Variants in KCNG3 observed in about 807,000 individuals in gnomAD.
KCNG3 encodes the protein voltage-gated potassium channel regulatory subunit KCNG3.
KCNG3 carries 15 observed loss-of-function variants against 29.0 expected under a neutral mutation model. The ratio of observed to expected loss-of-function variants is 0.52; its 90% confidence interval spans 0.35 to 0.80. The LOEUF (loss-of-function observed/expected upper bound fraction) is 0.80, where lower values mean the gene tolerates loss of function less well. Ranked by LOEUF, KCNG3 falls within the 30% of genes least tolerant of loss-of-function variation. The pLI, the probability that KCNG3 is intolerant of heterozygous loss-of-function variation, is 0.01. For missense variants in KCNG3, 512 were observed against 605.7 expected (o/e 0.85, Z 1.62); for synonymous variants, 322 against 248.9 (o/e 1.29, Z -2.76).
the KCNG3 span, chr2:42,425,039 C>G: frequency 6.6e-6 from 1 of 152,186 alleles, no homozygotes; most frequent in African/African-American, 2.4e-5. Flanking sequence ...CAGGAAACCC[C>G]CTCCTGGCGC....
At chr2:42,401,693 C>T in the KCNG3 span, among the ~76,000 whole-genome samples, 1 of 152,130 alleles carries the variant, frequency 6.6e-6, no homozygotes, top group African/African-American at 2.4e-5. Flanking sequence ...ATCCTCCTGC[C>T]TCCCAAAGTG....
At chr2:42,491,555 T>C (rs1163829079) in intron 1 of KCNG3, among the ~76,000 whole-genome samples, 1 of 152,208 alleles carries the variant, frequency 6.6e-6, no homozygotes, top group Non-Finnish European at 1.5e-5. Context: ...CATTGTATTG[T>C]TGGAGAACCA....
At chr2:42,459,224 T>C (rs1295609147) in intron 1 of KCNG3, among the ~76,000 whole-genome samples, 17 of 145,716 alleles carry the variant, frequency 1.2e-4, no homozygotes, top group African/African-American at 4.1e-4. Flanking sequence ...ATAGAGAGAG[T>C]GAGAAGACAG....
rs1035954069 is a variant in KCNG3, at chr2:42,444,859, C to A, written c.666-280G>T. 2.7e-5 allele frequency among the ~76,000 whole-genome samples: 4 copies of A among 149,820 alleles called. No individual in the cohort carries two copies. The highest frequency in any genetic ancestry group is 9.9e-5 in the African/African-American group (4 of 40,582). ...GGTGAATCGCTTGAGCCCAGGAGTTCGAGACCAACCTGGGCACCACAGCAA... is the reference window on the plus strand; with the variant it reads ...GGTGAATCGCTTGAGCCCAGGAGTTAGAGACCAACCTGGGCACCACAGCAA... On this transcript the variant is annotated intron_variant, in intron 1 of 1. Coordinates refer to ENST00000306078, the MANE Select transcript of KCNG3 (RefSeq NM_133329.6). This position sits in a 1 kb window ranked among gnomAD's most constrained non-coding sequence, Gnocchi z 5.8.
the KCNG3 span, among the ~76,000 whole-genome samples, chr2:42,425,391 T>C: frequency 1.8e-5 from 2 of 110,948 alleles, no homozygotes; most frequent in South Asian, 2.8e-4. Context: ...AGAGCAAGAC[T>C]CCGTCTCAAA....
chr2:42,443,659 A>G lies in KCNG3; in HGVS notation c.*275T>C. 1 of 308,782 alleles carries G rather than the reference A, an allele frequency of 3.2e-6. No homozygotes were observed. 19.1% of individuals were successfully genotyped at this position (308,782 alleles called of 1,614,324 possible). On this transcript the variant is annotated 3_prime_UTR_variant, in exon 2 of 2. Transcript: ENST00000306078. The stretch of plus-strand genomic sequence containing the variant: ...AAATGTTCAAATAATGTATTTTTTA[A>G]AAATGTGTAATCATTCAAGGAAACG...
At chr2:42,471,712 G>C (rs1673292623) in intron 1 of KCNG3, among the ~76,000 whole-genome samples, 1 of 151,800 alleles carries the variant, frequency 6.6e-6, no homozygotes, top group Non-Finnish European at 1.5e-5. Flanking sequence ...TAAACATTAT[G>C]CTCATCAAAA....
the KCNG3 span, among the ~76,000 whole-genome samples, chr2:42,404,739 A>G: frequency 1.3e-5 from 2 of 152,120 alleles, no homozygotes; most frequent in Admixed American, 6.5e-5. Context: ...CCAAAAAAAC[A>G]ATGGAAAGTA....
In KCNG3 at chr2:42,492,919, C is replaced by G; in HGVS notation, c.583G>C (p.Asp195His). The change falls in exon 1 of 2, where the codon GAC becomes CAC. Residue 195 changes from aspartate (D) to histidine (H), a missense_variant. Transcript: ENST00000306078. ...MVVLCASTLP[D>H]WRNAAADNRS... is the part of the protein sequence containing the mutation. ...TTGTCGGCGGCTGCGTTGCGCCAGT[C>G]GGGCAACGTGCTGGCGCACAGCACC... 6.3e-7 allele frequency: 1 copy of G among 1,584,524 alleles called. No individual in the cohort carries two copies. The highest frequency in any genetic ancestry group is 8.6e-7 in the Non-Finnish European group (1 of 1,169,414).
Position 42,481,958 on chromosome 2 carries a change from TG to T in KCNG3, c.665+10878del, listed in dbSNP as rs1460697313. On this transcript the variant is annotated intron_variant, in intron 1 of 1. Coordinates refer to ENST00000306078, the MANE Select transcript of KCNG3 (RefSeq NM_133329.6). ...TCGCCCTCTGGGTTTTTCTTGTTGTTGTTTTTCTCTAATCCCATGAAAGATA... is the reference window on the plus strand; with the variant it reads ...TCGCCCTCTGGGTTTTTCTTGTTGTTTTTTTCTCTAATCCCATGAAAGATA... Among the ~76,000 whole-genome samples, 3 of 152,222 alleles carry T rather than the reference TG, an allele frequency of 2.0e-5. No individual in the cohort carries two copies. The East Asian group carries it at 5.8e-4, about 29-fold the overall frequency.
chr2:42,475,895 C>T (rs1015058457), intron 1 of KCNG3, among the ~76,000 whole-genome samples: 5 of 151,884 alleles, frequency 3.3e-5, no homozygotes, highest in African/African-American at 7.3e-5. Context: ...GGTGAAACCC[C>T]GTATCTACTA....
the KCNG3 span, among the ~76,000 whole-genome samples, chr2:42,403,042 T>C: frequency 6.6e-6 from 1 of 152,258 alleles, no homozygotes; most frequent in Non-Finnish European, 1.5e-5. Context: ...CTTATGTGAC[T>C]TTAAATGTAT....
At chr2:42,429,436 A>G in the KCNG3 span, among the ~76,000 whole-genome samples, 5 of 152,232 alleles carry the variant, frequency 3.3e-5, no homozygotes, top group African/African-American at 1.2e-4. Flanking sequence ...AACTGTGGCT[A>G]ATCCCAACAG....
At chr2:42,429,306 A>C in the KCNG3 span, among the ~76,000 whole-genome samples, 1 of 152,202 alleles carries the variant, frequency 6.6e-6, no homozygotes, top group Non-Finnish European at 1.5e-5. Context: ...GAGATCTAGA[A>C]ATCTGCTTAT....
intron 1 of KCNG3, among the ~76,000 whole-genome samples, chr2:42,456,297 G>C (rs1269705704): frequency 1.3e-5 from 2 of 152,082 alleles, no homozygotes; most frequent in East Asian, 3.8e-4. Context: ...CAACGCAGGA[G>C]GATTACTTGA....
the KCNG3 span, among the ~76,000 whole-genome samples, chr2:42,434,475 AAAAAAAAAAAAG>A: frequency 6.7e-6 from 1 of 148,910 alleles, no homozygotes; most frequent in African/African-American, 2.5e-5. Context: ...AAAAAAAAAA[AAAAAAAAAAAAG>A]AGAGAGAGAG....
rs1256915616 is a variant in KCNG3, at chr2:42,443,070, G to A, written c.*864C>T. ...TGTTTGGGGGAGGAGGTTAAGAGAA[G>A]AAGAGGTTGTAATATTGAGTCATCT... On this transcript the variant is annotated 3_prime_UTR_variant, in exon 2 of 2. Transcript: ENST00000306078. The A allele has an allele frequency of 1.3e-5, 2 of 152,148 alleles. No individual in the cohort carries two copies. The highest frequency in any genetic ancestry group is 2.9e-5 in the Non-Finnish European group (2 of 68,004). The allele number at this position is 152,148 out of a possible 1,614,324, so 9.4% of individuals were successfully genotyped here.
the KCNG3 span, among the ~76,000 whole-genome samples, chr2:42,399,046 TTTTTC>T: frequency 2.1e-5 from 3 of 146,106 alleles, no homozygotes; most frequent in African/African-American, 5.1e-5. Context: ...CTTTTCTTTT[TTTTTC>T]TTTTCTTTTT....
chr2:42,481,702 G>A lies in KCNG3; in HGVS notation c.665+11135C>T, dbSNP rs74721830. Among the ~76,000 whole-genome samples, 453 of 152,092 alleles carry A rather than the reference G, an allele frequency of 3.0e-3. 5 individuals are homozygous for A. The highest frequency in any genetic ancestry group is 0.014 in the Middle Eastern group (4 of 294). The stretch of plus-strand genomic sequence containing the variant: ...ATTCCCCACCACTCTCACCTCTCTC[G>A]GTTTCCTTCCTGTTGCTCCAATTGA... On this transcript the variant is annotated intron_variant, in intron 1 of 1. Transcript: ENST00000306078.
Sources: gnomAD v4.1 joint callset for allele counts (sites outside exome capture counted in the v4.1 genomes callset) on GRCh38, gnomAD v4.1.1 for gene constraint, Gnocchi (gnomAD v3.1) non-coding constraint, MANE v1.5 for transcripts, NCBI Gene and HGNC (gene_info 2026-07-23, HGNC 2026-07-21) for gene names.